The following TSHZ2 variants were observed in gnomAD, a reference collection of about 807,000 sequenced individuals.
TSHZ2 encodes teashirt zinc finger homeobox 2.
Under a neutral mutation model 74.4 loss-of-function variants are expected in TSHZ2, and 21 were observed. The observed-to-expected ratio is 0.28, with a 90% CI of 0.20 to 0.41. TSHZ2 has a LOEUF of 0.41. Among genes scored for constraint, TSHZ2 ranks in the 10% least tolerant of loss-of-function variants. The pLI is 1.00. For missense variants in TSHZ2, 1,244 were observed against 1,293.5 expected, an observed-to-expected ratio of 0.96 and a Z score of 0.59; for synonymous variants, 540 against 515.3, an observed-to-expected ratio of 1.05 and a Z score of -0.65.
chr20:53,181,761 G>A (rs565226983), intron 1 of TSHZ2, among the ~76,000 whole-genome samples: 22 of 152,228 alleles, frequency 1.4e-4, no homozygotes, highest in African/African-American at 3.9e-4. Flanking sequence ...GGTGGTGGGC[G>A]CCTGTAGTCC....
intron 1 of TSHZ2, among the ~76,000 whole-genome samples, chr20:53,131,501 T>C (rs1987099247): frequency 6.6e-6 from 1 of 152,200 alleles, no homozygotes; most frequent in Admixed American, 6.5e-5. Flanking sequence ...GAGTCTCCCA[T>C]CAAATGCAGC....
intron 1 of TSHZ2, among the ~76,000 whole-genome samples, chr20:53,180,449 A>T (rs1400956902): frequency 6.6e-6 from 1 of 152,180 alleles, no homozygotes; most frequent in African/African-American, 2.4e-5. Context: ...ATTGGGTTTC[A>T]TTTCAGTTTT....
chr20:53,358,777 GT>G (rs1208130838), intron 2 of TSHZ2, among the ~76,000 whole-genome samples: 9 of 152,174 alleles, frequency 5.9e-5, no homozygotes, highest in Non-Finnish European at 1.2e-4. Context: ...ATCCGTTAGG[GT>G]TTTTTAAACG....
rs6022269 is a variant in TSHZ2 at position 53,072,799 on chromosome 20, C to T, written c.40+99466C>T. Among the ~76,000 whole-genome samples, 281 of 152,148 alleles carry T rather than the reference C, an allele frequency of 1.8e-3. 3 individuals carry two copies. The highest frequency in any genetic ancestry group is 0.016 in the East Asian group (82 of 5,178). ...ATTTCCTTACTGTTTACTGGGGGGT[C>T]GAGGCAGGTAAATTCACTAGAATGG... is the stretch of plus-strand genomic sequence containing the variant. On this transcript the variant is annotated intron_variant, in intron 1 of 2. Transcript: ENST00000371497.
chr20:53,306,239 C>T (rs1199785578), intron 2 of TSHZ2, among the ~76,000 whole-genome samples: 1 of 152,180 alleles, frequency 6.6e-6, no homozygotes, highest in Admixed American at 6.5e-5. Context: ...CTCATCTGCT[C>T]TTCTTGCCAA....
intron 1 of TSHZ2, among the ~76,000 whole-genome samples, chr20:53,156,053 G>C (rs925448644): frequency 6.6e-6 from 1 of 152,148 alleles, no homozygotes; most frequent in Non-Finnish European, 1.5e-5. Context: ...CTGGGAACAA[G>C]GGGCTGCAGC....
intron 1 of TSHZ2, among the ~76,000 whole-genome samples, chr20:53,222,627 T>C (rs774312641): frequency 1.1e-3 from 167 of 152,324 alleles, no homozygotes; most frequent in Non-Finnish European, 1.7e-3. Flanking sequence ...GGACACGGTG[T>C]CACTTAAAAA....
intron 1 of TSHZ2, among the ~76,000 whole-genome samples, chr20:53,248,968 G>A (rs1455423234): frequency 6.6e-6 from 1 of 152,018 alleles, no homozygotes; most frequent in Non-Finnish European, 1.5e-5. Flanking sequence ...CTCCCGAGTA[G>A]CTGGGATTAC....
chr20:53,484,009 C>G (rs1986226814), intron 2 of TSHZ2, among the ~76,000 whole-genome samples: 1 of 152,228 alleles, frequency 6.6e-6, no homozygotes, highest in Non-Finnish European at 1.5e-5. Flanking sequence ...CAGGACTTCA[C>G]TCTTGTTTCA....
intron 2 of TSHZ2, among the ~76,000 whole-genome samples, chr20:53,425,033 C>A (rs1378154105): frequency 6.6e-6 from 1 of 152,142 alleles, no homozygotes; most frequent in Admixed American, 6.5e-5. Context: ...CATATGTGTG[C>A]ATGTATCTTT....
At chr20:53,072,756 G>A (rs774054133) in intron 1 of TSHZ2, among the ~76,000 whole-genome samples, 12 of 152,178 alleles carry the variant, frequency 7.9e-5, no homozygotes, top group Non-Finnish European at 1.5e-4. Context: ...TATGGGAATA[G>A]AGTCTGTGAG....
At chr20:53,246,050 T>TTTTTTTTTTTTTTTTTTTTTTTTTTTG (rs1568832069) in intron 1 of TSHZ2, among the ~76,000 whole-genome samples, 4 of 150,050 alleles carry the variant, frequency 2.7e-5, no homozygotes, top group African/African-American at 9.9e-5. Flanking sequence ...CTTTTTTTTT[T>TTTTTTTTTTTTTTTTTTTTTTTTTTTG]TTTGTTTGAG....
intron 2 of TSHZ2, among the ~76,000 whole-genome samples, chr20:53,275,599 G>A (rs182737395): frequency 6.6e-6 from 1 of 152,288 alleles, no homozygotes; most frequent in East Asian, 1.9e-4. Flanking sequence ...CTGGGTGGAA[G>A]TTTGTTGACA....
At chr20:53,335,795 A>T (rs932477010) in intron 2 of TSHZ2, among the ~76,000 whole-genome samples, 5 of 148,416 alleles carry the variant, frequency 3.4e-5, no homozygotes, top group Admixed American at 1.3e-4. Context: ...ACTAGAAAAA[A>T]ATCACTTCCC....
At chr20:53,461,198 A>C (rs4390819) in intron 2 of TSHZ2, among the ~76,000 whole-genome samples, 3 of 150,206 alleles carry the variant, frequency 2.0e-5, no homozygotes, top group Admixed American at 6.6e-5. Context: ...GCGAGACTCC[A>C]TGGGCGTAGG....
intron 2 of TSHZ2, among the ~76,000 whole-genome samples, chr20:53,264,790 C>A (rs371024439): frequency 3.3e-5 from 5 of 152,166 alleles, no homozygotes; most frequent in African/African-American, 4.8e-5. Context: ...ACAGGGAGCA[C>A]TCACTGTAGG....
rs973352003 is a variant in TSHZ2 at position 52,973,470 on chromosome 20, C to T, written c.40+137C>T. On this transcript the variant is annotated intron_variant, in intron 1 of 2. Transcript: ENST00000371497. Reference sequence around the variant, plus strand: ...GCGCCGGGTGCCCTTCTAATAACCCCGTCCTCTCTCGCCTTCTCTGGTCTC... The same window carrying T: ...GCGCCGGGTGCCCTTCTAATAACCCTGTCCTCTCTCGCCTTCTCTGGTCTC... 8.9e-6 allele frequency: 10 copies of T among 1,121,260 alleles called. No homozygotes were observed. The African/African-American group carries it at 9.4e-5, about 11-fold the overall frequency. 69.5% of individuals were successfully genotyped at this position (1,121,260 alleles called of 1,614,324 possible). A position where few individuals can be genotyped will look rare whatever the true frequency, so the allele number is the denominator to read the frequency against.
At chr20:52,992,959 T>G (rs1308282024) in intron 1 of TSHZ2, among the ~76,000 whole-genome samples, 1 of 152,214 alleles carries the variant, frequency 6.6e-6, no homozygotes. Context: ...TAAGCAGCTC[T>G]TTTAGGTGCC....
At chr20:53,401,774 C>CT (rs59656180) in intron 2 of TSHZ2, among the ~76,000 whole-genome samples, 5,115 of 94,880 alleles carry the variant, frequency 0.054, 536 homozygotes, top group African/African-American at 0.21. Context: ...AACACATTTT[C>CT]TTTTTTTTTT....
Sources: allele counts gnomAD v4.1 joint callset (sites outside exome capture counted in the v4.1 genomes callset), GRCh38; gene constraint gnomAD v4.1.1; transcripts MANE v1.5; gene names NCBI Gene and HGNC (gene_info 2026-07-23, HGNC 2026-07-21).